ZFHX3: variants seen among roughly 807,000 people sequenced by gnomAD.
ZFHX3 encodes the protein zinc finger homeobox 3.
A neutral mutation model predicts 279.1 loss-of-function variants in ZFHX3; 42 were observed. The ratio of observed to expected loss-of-function variants is 0.15; its 90% CI spans 0.12 to 0.19. ZFHX3 has a LOEUF of 0.19. Ranked by LOEUF, ZFHX3 falls within the 10% of genes least tolerant of loss-of-function variation. The pLI is 1.00. For missense variants in ZFHX3, 4,981 were observed against 4,754.0 expected, an observed-to-expected ratio of 1.05 and a Z score of -1.40; for synonymous variants, 2,293 against 1,957.8, an observed-to-expected ratio of 1.17 and a Z score of -4.52.
intron 2 of ZFHX3, among the ~76,000 whole-genome samples, chr16:73,520,634 A>AT (rs1414176702): frequency 2.0e-5 from 3 of 152,240 alleles, no homozygotes; most frequent in African/African-American, 7.2e-5. Context: ...TTGTACAAAC[A>AT]TCTGGTGTCT....
chr16:73,119,387 G>A (rs1347623216), intron 7 of ZFHX3, among the ~76,000 whole-genome samples: 1 of 152,206 alleles, frequency 6.6e-6, no homozygotes, highest in Non-Finnish European at 1.5e-5. Flanking sequence ...GATTACAGGT[G>A]TGAGTCACCA....
chr16:72,919,271 A>C (rs577363323), intron 3 of ZFHX3, among the ~76,000 whole-genome samples: 1 of 150,502 alleles, frequency 6.6e-6, no homozygotes, highest in African/African-American at 2.4e-5. Context: ...CGATTCTCCC[A>C]CCTCAGCCTC....
intron 1 of ZFHX3, among the ~76,000 whole-genome samples, chr16:73,008,332 A>T (rs529808933): frequency 6.6e-6 from 1 of 152,348 alleles, no homozygotes; most frequent in East Asian, 1.9e-4. Context: ...AGTGTGATTT[A>T]GGAGAATATT....
chr16:73,384,650 T>G (rs2016868550), intron 3 of ZFHX3, among the ~76,000 whole-genome samples: 1 of 152,184 alleles, frequency 6.6e-6, no homozygotes, highest in Non-Finnish European at 1.5e-5. Flanking sequence ...CTCATAGGCC[T>G]CACTTACTGA....
chr16:73,779,307 C>G (rs1404015725), intron 1 of ZFHX3, among the ~76,000 whole-genome samples: 1 of 152,056 alleles, frequency 6.6e-6, no homozygotes, highest in African/African-American at 2.4e-5. Flanking sequence ...AAACACTATT[C>G]AGTTATAGTA....
chr16:72,795,939 C>T lies in ZFHX3; in HGVS notation c.6743G>A (p.Arg2248Lys), dbSNP rs1447117396. ...GACCCTCAGCTGGTAGTCCGTAAAC[C>T]TTGTTCTTGAAGACCTCTTGCTTCC... ...YWGSKRSSRTRFTDYQLRVLQ... is the reference protein window; with the variant it reads ...YWGSKRSSRTKFTDYQLRVLQ... The change falls in exon 9 of 10, where the codon AGG becomes AAG. Residue 2248 changes from arginine to lysine, a missense_variant. Arg to Lys is a conservative substitution (Grantham distance 26). This residue lies in a region of ZFHX3 where 177 missense variants were observed against 244.2 expected (regional missense o/e 0.72). Coordinates refer to ENST00000268489, the MANE Select transcript of ZFHX3 (RefSeq NM_006885.4). 2 of 1,614,164 alleles carry T rather than the reference C, an allele frequency of 1.2e-6. No individual in the cohort carries two copies. The highest frequency in any genetic ancestry group is 1.7e-6 in the Non-Finnish European group (2 of 1,180,034).
At chr16:73,568,734 T>C (rs1019352112) in intron 2 of ZFHX3, among the ~76,000 whole-genome samples, 1 of 152,156 alleles carries the variant, frequency 6.6e-6, no homozygotes, top group Non-Finnish European at 1.5e-5. Context: ...AGCCACAGGA[T>C]CGAGCTGGCT....
At chr16:73,499,182 C>G (rs147859499) in intron 2 of ZFHX3, 55 of 152,284 alleles carry the variant, frequency 3.6e-4, no homozygotes, top group African/African-American at 1.3e-3. Context: ...CTCTCAGTCC[C>G]TCAGGTCCTT....
At chr16:72,789,703 T>C (rs2035614823) in intron 9 of ZFHX3, 1 of 152,232 alleles carries the variant, frequency 6.6e-6, no homozygotes, top group Non-Finnish European at 1.5e-5. Context: ...GGAAAATTGC[T>C]TCCATGCCTT....
At chr16:73,839,326 CAAAAAAAAAAAAAAAAAAAAAAAAA>C (rs777484716) in intron 1 of ZFHX3, among the ~76,000 whole-genome samples, 313 of 30,054 alleles carry the variant, frequency 0.01, 8 homozygotes, top group African/African-American at 0.036. Context: ...GACTCCATCT[CAAAAAAAAAAAAAAAAAAAAAAAAA>C]AAAAAAAAAA....
At chr16:73,524,546 C>A (rs2019659505) in intron 2 of ZFHX3, among the ~76,000 whole-genome samples, 1 of 152,172 alleles carries the variant, frequency 6.6e-6, no homozygotes, top group Non-Finnish European at 1.5e-5. Flanking sequence ...TGTTCTGATT[C>A]GCATGTTCTT....
intron 1 of ZFHX3, among the ~76,000 whole-genome samples, chr16:73,878,677 G>A (rs184567595): frequency 2.0e-5 from 3 of 150,814 alleles, no homozygotes; most frequent in East Asian, 1.9e-4. Context: ...GGTAACTAGC[G>A]AAAACAAGAT....
intron 3 of ZFHX3, among the ~76,000 whole-genome samples, chr16:73,359,194 T>G (rs1162083204): frequency 6.6e-6 from 1 of 151,912 alleles, no homozygotes; most frequent in East Asian, 1.9e-4. Context: ...TTTTTTTTTT[T>G]TTTTTAAACA....
At chr16:72,811,182 G>A (rs79990771) in intron 7 of ZFHX3, among the ~76,000 whole-genome samples, 4,994 of 152,248 alleles carry the variant, frequency 0.033, 600 homozygotes, top group East Asian at 0.28. Context: ...AGTGTGCCTG[G>A]CTCCCTTTTA....
chr16:73,606,458 C>G (rs2052183685), intron 2 of ZFHX3, among the ~76,000 whole-genome samples: 1 of 145,734 alleles, frequency 6.9e-6, no homozygotes, highest in Non-Finnish European at 1.5e-5. Flanking sequence ...TGCACTCTAG[C>G]TTGGGGGACA....
intron 1 of ZFHX3, among the ~76,000 whole-genome samples, chr16:73,690,043 G>A (rs1036546248): frequency 2.6e-5 from 4 of 152,110 alleles, no homozygotes; most frequent in African/African-American, 4.8e-5. Flanking sequence ...AGCCTCCTGA[G>A]TAGCTGGGAT....
intron 8 of ZFHX3, among the ~76,000 whole-genome samples, chr16:73,067,758 T>G (rs1168449267): frequency 6.6e-6 from 1 of 152,134 alleles, no homozygotes; most frequent in Non-Finnish European, 1.5e-5. Flanking sequence ...CTGAATTTAG[T>G]GCCCAGCCTT....
At chr16:73,666,171 T>A (rs1374560262) in intron 2 of ZFHX3, among the ~76,000 whole-genome samples, 1 of 151,668 alleles carries the variant, frequency 6.6e-6, no homozygotes, top group Non-Finnish European at 1.5e-5. Context: ...GGCTGGAGAG[T>A]TTGATCGGAT....
At chr16:73,036,836 T>C (rs750076343) in intron 1 of ZFHX3, among the ~76,000 whole-genome samples, 1 of 152,084 alleles carries the variant, frequency 6.6e-6, no homozygotes, top group South Asian at 2.1e-4. Context: ...AAAAATAAAA[T>C]TGTTAAAGCA....
Sources: gnomAD v4.1 joint callset for allele counts (sites outside exome capture counted in the v4.1 genomes callset) on GRCh38, gnomAD v4.1.1 for gene constraint, gnomAD v4.1.1 regional missense constraint, MANE v1.5 for transcripts, NCBI Gene and HGNC (gene_info 2026-07-23, HGNC 2026-07-21) for gene names.